PTPN18: variants seen among roughly 807,000 people sequenced by gnomAD.
PTPN18 encodes the protein tyrosine-protein phosphatase non-receptor type 18.
In PTPN18, 65 loss-of-function variants were observed where a neutral mutation model predicts 65.4. The ratio of observed to expected loss-of-function variants is 0.99; its 90% CI spans 0.81 to 1.22. The LOEUF is 1.22. Ranked by LOEUF, PTPN18 falls within the 50% of genes most tolerant of loss-of-function variation. PTPN18 has a pLI of 0.00. For synonymous variants in PTPN18, 255 were observed against 267.8 expected (o/e 0.95, Z 0.47); for missense variants, 616 against 646.5 (o/e 0.95, Z 0.51).
rs369365305 is a variant in PTPN18 at position 130,359,508 on chromosome 2, T to A, written c.375+16T>A. Reference sequence around the variant, plus strand: ...TGGGGTCAAGGTCAGCACTTGGGGGTGCGGCACAATGGTGGGGTCAACATC... The same window carrying A: ...TGGGGTCAAGGTCAGCACTTGGGGGAGCGGCACAATGGTGGGGTCAACATC... On this transcript the variant is annotated intron_variant, in intron 4 of 14. Transcript: ENST00000175756. 21 of 1,613,544 alleles carry A rather than the reference T, an allele frequency of 1.3e-5. No individual in the cohort carries two copies. The African/African-American group carries it at 2.8e-4, about 22-fold the overall frequency.
At chr2:130,372,609 C>G in intron 13 of PTPN18, 126 bp downstream of exon 13, 2 of 1,224,154 alleles carry the variant, frequency 1.6e-6, no homozygotes, top group Admixed American at 5.9e-5. Flanking sequence ...GGCCACGCCC[C>G]GACGCTGATG....
rs1322528929 is a variant in PTPN18 at position 130,356,315 on chromosome 2, G to A, written c.93+115G>A. 27 of 690,456 alleles carry A rather than the reference G, an allele frequency of 3.9e-5. No individual in the cohort carries two copies. The Middle Eastern group carries it at 1.4e-3, about 37-fold the overall frequency. 42.8% of individuals were successfully genotyped at this position (690,456 alleles called of 1,614,324 possible). ...GTCTCGGTGTCCCCGGTGTCTCCCC[G>A]CCTCGGGGGGTCTCTCCGTGTTTCT... On this transcript the variant is annotated intron_variant, in intron 1 of 14. Transcript: ENST00000175756.
chr2:130,372,510 G>C, intron 13 of PTPN18, 27 bp downstream of exon 13: 1 of 1,390,838 alleles, frequency 7.2e-7, no homozygotes, highest in Non-Finnish European at 9.3e-7. Context: ...TCCTTCTCAG[G>C]GCATCATCCT....
Position 130,371,227 on chromosome 2 carries a change from T to G in PTPN18, c.953T>G (p.Leu318Arg). The change falls in exon 12 of 15, where the codon CTC becomes CGC. Residue 318 changes from leucine to arginine, a missense_variant. Transcript: ENST00000175756. The stretch of plus-strand genomic sequence containing the variant: ...TGTGCCCCACTCTACGACGATGCCC[T>G]CTTCCTCCGGACTCCCCAGGCACTT... ...ENCAPLYDDA[L>R]FLRTPQALLA... 6.2e-7 allele frequency: 1 copy of G among 1,610,918 alleles called. No homozygotes were observed. The highest frequency in any genetic ancestry group is 8.5e-7 in the Non-Finnish European group (1 of 1,178,726).
rs1017848702 is a variant in PTPN18 at position 130,374,500 on chromosome 2, G to A, written c.*1276G>A. The A allele has an allele frequency of 1.3e-5, 5 of 391,152 alleles. No homozygotes were observed. The highest frequency in any genetic ancestry group is 1.0e-4 in the African/African-American group (5 of 48,054). 24.2% of individuals were successfully genotyped at this position (391,152 alleles called of 1,614,324 possible). A position where few individuals can be genotyped will look rare whatever the true frequency, so the allele number is the denominator to read the frequency against. ...ATTTGAAACACTTTAAATGGCCCAT[G>A]GTAGGGTTCCTGCTAGGATAAAACA... On this transcript the variant is annotated 3_prime_UTR_variant, in exon 15 of 15. Coordinates refer to ENST00000175756, the MANE Select transcript of PTPN18 (RefSeq NM_014369.4).
chr2:130,357,470 A>G (rs1343999106), intron 1 of PTPN18, among the ~76,000 whole-genome samples: 1 of 152,286 alleles, frequency 6.6e-6, no homozygotes, highest in Non-Finnish European at 1.5e-5. Flanking sequence ...ACATTGCATA[A>G]CTGCATAAAA....
Position 130,361,669 on chromosome 2 carries a change from C to A in PTPN18, c.414+2023C>A, listed in dbSNP as rs937705742. Among the ~76,000 whole-genome samples the A allele has an allele frequency of 2.6e-5, 4 of 151,928 alleles. No individual in the cohort carries two copies. In the East Asian group the frequency reaches 7.8e-4, roughly 29 times the overall value. On this transcript the variant is annotated intron_variant, in intron 5 of 14. Coordinates refer to ENST00000175756, the MANE Select transcript of PTPN18 (RefSeq NM_014369.4). Reference sequence around the variant, plus strand: ...ATGGCGCGATCTTGGCTCACTGCAACCTTTGCCTCCCAGGTTCAAGCGATT... The same window carrying A: ...ATGGCGCGATCTTGGCTCACTGCAAACTTTGCCTCCCAGGTTCAAGCGATT...
In PTPN18 at chr2:130,374,107, A is replaced by T. The variant is rs763638497; in HGVS notation, c.*883A>T. The T allele has an allele frequency of 2.6e-5, 4 of 152,778 alleles. No homozygotes were observed. Among genetic ancestry groups the T allele is most frequent in the Non-Finnish European group, 4.4e-5 (3 of 68,560 alleles). The allele number at this position is 152,778 out of a possible 1,614,324, so 9.5% of individuals were successfully genotyped here. A position where few individuals can be genotyped will look rare whatever the true frequency, so the allele number is the denominator to read the frequency against. On this transcript the variant is annotated 3_prime_UTR_variant, in exon 15 of 15. Transcript: ENST00000175756. ...ATCCCAGCCAGCCGGCCAGACTCTCATCTTGATGTCTTGATGGATGGACCC... is the reference window on the plus strand; with the variant it reads ...ATCCCAGCCAGCCGGCCAGACTCTCTTCTTGATGTCTTGATGGATGGACCC...
intron 5 of PTPN18, chr2:130,359,857 C>A (rs1452009118): frequency 6.5e-6 from 4 of 616,444 alleles, no homozygotes; most frequent in Non-Finnish European, 5.7e-6. Context: ...GGCTTCCCAG[C>A]CATTTCACAC....
chr2:130,374,742 C>A lies in PTPN18; in HGVS notation c.*1518C>A. The A allele has an allele frequency of 2.1e-6, 1 of 468,242 alleles. No individual in the cohort carries two copies. The highest frequency in any genetic ancestry group is 1.6e-5 in the South Asian group (1 of 64,516). The allele number at this position is 468,242 out of a possible 1,614,324, so 29.0% of individuals were successfully genotyped here. On this transcript the variant is annotated 3_prime_UTR_variant, in exon 15 of 15. Coordinates refer to ENST00000175756, the MANE Select transcript of PTPN18 (RefSeq NM_014369.4). The stretch of plus-strand genomic sequence containing the variant: ...GCCACAGTGCCCTGGGCCCCATGTC[C>A]ACCCCTGTCCTGCCCTTCTCTGGGA...
intron 5 of PTPN18, 88 bp downstream of exon 5, chr2:130,359,734 G>C (rs1680136308): frequency 6.7e-7 from 1 of 1,483,838 alleles, no homozygotes; most frequent in Non-Finnish European, 9.4e-7. Context: ...CAGGACCCGA[G>C]GGTCCAGCTC....
At chr2:130,367,050 ATTTTTTTTTTTT>A (rs57039741) in intron 5 of PTPN18, among the ~76,000 whole-genome samples, 7 of 104,214 alleles carry the variant, frequency 6.7e-5, no homozygotes, top group African/African-American at 2.5e-4. Flanking sequence ...GCTAATTTTA[ATTTTTTTTTTTT>A]TTTTTTTTTT....
rs1301957330 is a variant in PTPN18 at position 130,359,459 on chromosome 2, C to T, written c.342C>T (p.Asp114=). ...TQGPLPHTLL[D]FWRLVWEFGV... is the part of the protein sequence containing the mutation. ...GACCCTTGCCTCACACCCTGCTAGA[C>T]TTCTGGAGACTGGTCTGGGAGTTTG... Residue 114 remains aspartate (D), a synonymous_variant, in exon 4 of 15, where the codon GAC becomes GAT. Transcript: ENST00000175756. 1 of 1,614,080 alleles carries T rather than the reference C, an allele frequency of 6.2e-7. No individual in the cohort carries two copies. Among genetic ancestry groups the T allele is most frequent in the Non-Finnish European group, 8.5e-7 (1 of 1,180,052 alleles).
chr2:130,365,780 G>A (rs1433480805), intron 5 of PTPN18, among the ~76,000 whole-genome samples: 1 of 152,196 alleles, frequency 6.6e-6, no homozygotes, highest in Non-Finnish European at 1.5e-5. Context: ...TCACTCTTTT[G>A]CATGTGACTA....
At chr2:130,359,182 C>T (rs773768555) in intron 2 of PTPN18, 51 bp from the exon 3 acceptor site, 18 of 1,604,110 alleles carry the variant, frequency 1.1e-5, no homozygotes, top group African/African-American at 2.7e-5. Context: ...TCAGAGGCTC[C>T]GTCACCCTAT....
Position 130,358,886 on chromosome 2 carries a change from C to A in PTPN18, c.113C>A (p.Ala38Asp). The A allele has an allele frequency of 6.2e-7, 1 of 1,613,436 alleles. No homozygotes were observed. Among genetic ancestry groups the A allele is most frequent in the Non-Finnish European group, 8.5e-7 (1 of 1,179,482 alleles). ...TACCAGGACATCCAGGCCTGCTCGG[C>A]CGCCTGGAAGGCTGACGGCGTGTGC... Reference protein sequence around the residue: ...GEFSDIQACSAAWKADGVCST... With the variant: ...GEFSDIQACSDAWKADGVCST... Residue 38 changes from alanine to aspartate, a missense_variant, in exon 2 of 15, where the codon GCC (alanine) becomes GAC (aspartate). Ala to Asp is a moderately radical substitution (Grantham distance 126, BLOSUM62 -2). Around this residue, in one of 3 missense-constraint regions of PTPN18, gnomAD observed 223 missense variants for 210.0 expected, o/e 1.06. Transcript: ENST00000175756.
chr2:130,357,762 A>G (rs1680034473), intron 1 of PTPN18, among the ~76,000 whole-genome samples: 1 of 151,418 alleles, frequency 6.6e-6, no homozygotes, highest in African/African-American at 2.4e-5. Flanking sequence ...TGGCTGAGGC[A>G]GGAGAATGGC....
At chr2:130,356,687 GCCCGAATCCGCTTCCCGT>G (rs1250844974) in intron 1 of PTPN18, 8 of 456,382 alleles carry the variant, frequency 1.8e-5, no homozygotes, top group South Asian at 4.7e-5. Flanking sequence ...CCGCGTCCGG[GCCCGAATCCGCTTCCCGT>G]CCCGAATCCG....
chr2:130,367,643 C>G (rs1479115019), intron 5 of PTPN18, among the ~76,000 whole-genome samples: 1 of 152,098 alleles, frequency 6.6e-6, no homozygotes, highest in Non-Finnish European at 1.5e-5. Flanking sequence ...CACTGCACGC[C>G]AAGCCTGGGT....
Sources: allele counts gnomAD v4.1 joint callset (sites outside exome capture counted in the v4.1 genomes callset), GRCh38; gene constraint gnomAD v4.1.1; regional missense constraint gnomAD v4.1.1; transcripts MANE v1.5; gene names NCBI Gene and HGNC (gene_info 2026-07-23, HGNC 2026-07-21).